The following VPS51 variants were observed in gnomAD, a reference collection of about 807,000 sequenced individuals.
VPS51 encodes the protein vacuolar protein sorting-associated protein 51 homolog.
Under a neutral mutation model 65.1 loss-of-function variants are expected in VPS51, and 55 were observed. The observed-to-expected ratio is 0.84, with a 90% CI of 0.68 to 1.06. The LOEUF (loss-of-function observed/expected upper bound fraction) is 1.06. Among genes scored for constraint, VPS51 ranks in the 50% least tolerant of loss-of-function variants. The pLI is 0.00. For missense variants in VPS51, 943 were observed against 1,101.6 expected (o/e 0.86, Z 2.04); for synonymous variants, 473 against 489.5 (o/e 0.97, Z 0.44).
At position 65,108,648 on chromosome 11, in the gene VPS51, G is replaced by A. The variant is rs1243261472; in HGVS notation, c.1177G>A (p.Asp393Asn). The part of the protein sequence containing the change: ...GALLAAAGLA[D>N]AATEIVERVA... ...CCTGCTGGCCGCTGCCGGGCTCGCA[G>A]ACGCTGCCACGGAGATCGTGGAACG... is the stretch of plus-strand genomic sequence containing the variant. The change falls in exon 5 of 10, where the codon GAC becomes AAC. Residue 393 changes from aspartate to asparagine, a missense_variant. Coordinates refer to ENST00000279281, the MANE Select transcript of VPS51 (RefSeq NM_013265.4). 1 of 1,545,996 alleles carries A rather than the reference G, an allele frequency of 6.5e-7. No individual in the cohort carries two copies. The highest frequency in any genetic ancestry group is 8.7e-7 in the Non-Finnish European group (1 of 1,153,728).
intron 2 of VPS51, among the ~76,000 whole-genome samples, chr11:65,102,049 T>G (rs1314636441): frequency 1.3e-5 from 2 of 148,446 alleles, no homozygotes; most frequent in African/African-American, 5.0e-5. Context: ...AGACAGAGTC[T>G]TGCTCTGTCA....
At chr11:65,109,129 A>T (rs1462664624) in intron 5 of VPS51, 151 bp from the exon 6 acceptor site, 1 of 1,059,006 alleles carries the variant, frequency 9.4e-7, no homozygotes, top group East Asian at 2.5e-5. Context: ...CTCTGCCCCC[A>T]CTCAGGGAAG....
At chr11:65,108,940 G>A in intron 5 of VPS51, 26 bp downstream of exon 5, 1 of 1,609,378 alleles carries the variant, frequency 6.2e-7, no homozygotes, top group Non-Finnish European at 8.5e-7. Context: ...GGTGTTCCTT[G>A]TTCAACCTGC....
In VPS51 at chr11:65,110,547, C is replaced by T; in HGVS notation, c.1944C>T (p.Phe648=). ...AQSSDSSKRT[F]SVYSSSRQQG... ...GCAGCGACTCCAGCAAGAGGACTTT[C>T]TCCGTGTACAGCAGCTCTCGGCAGC... is the stretch of plus-strand genomic sequence containing the variant. The change falls in exon 8 of 10, where the codon TTC becomes TTT. Residue 648 remains phenylalanine (F), a synonymous_variant. Transcript: ENST00000279281. 1.2e-6 allele frequency: 2 copies of T among 1,614,060 alleles called. No homozygotes were observed. The highest frequency in any genetic ancestry group is 1.1e-5 in the South Asian group (1 of 91,090).
At chr11:65,097,321 G>T (rs1413159475) in intron 2 of VPS51, among the ~76,000 whole-genome samples, 194 bp downstream of exon 2, 1 of 152,184 alleles carries the variant, frequency 6.6e-6, no homozygotes, top group Non-Finnish European at 1.5e-5. Flanking sequence ...CTCTCAGAGG[G>T]TTGTCTTAAG....
intron 6 of VPS51, 83 bp from the exon 7 acceptor site, chr11:65,109,622 C>A: frequency 6.6e-7 from 1 of 1,512,020 alleles, no homozygotes; most frequent in South Asian, 1.3e-5. Context: ...CTTGCCCAAT[C>A]TGTGCCCAGC....
intron 2 of VPS51, among the ~76,000 whole-genome samples, chr11:65,100,467 C>G (rs1277153298): frequency 6.6e-6 from 1 of 150,822 alleles, no homozygotes; most frequent in Admixed American, 6.6e-5. Context: ...TAGGAATATA[C>G]CAAAGAGAAT....
At chr11:65,102,069 G>C (rs1249756169) in intron 2 of VPS51, among the ~76,000 whole-genome samples, 1 of 139,370 alleles carries the variant, frequency 7.2e-6, no homozygotes, top group Non-Finnish European at 1.5e-5. Flanking sequence ...ATCCAGGCTA[G>C]AGTGCAGTGG....
chr11:65,097,489 C>T (rs1024186735), intron 2 of VPS51, among the ~76,000 whole-genome samples: 1 of 152,108 alleles, frequency 6.6e-6, no homozygotes. Flanking sequence ...TACCAAAGCA[C>T]TGGGATTACG....
At chr11:65,096,831 G>A (rs1410331273) in intron 1 of VPS51, 167 bp from the exon 2 acceptor site, 9 of 1,036,176 alleles carry the variant, frequency 8.7e-6, no homozygotes, top group Non-Finnish European at 1.2e-5. Context: ...AGTAACCCCT[G>A]AGCTAGGCCA....
At chr11:65,096,877 C>T (rs1264614951) in intron 1 of VPS51, 121 bp from the exon 2 acceptor site, 5 of 1,389,552 alleles carry the variant, frequency 3.6e-6, no homozygotes, top group South Asian at 1.4e-5. Context: ...TGACAGCCGG[C>T]GGGGGTTTGC....
chr11:65,096,860 G>T, intron 1 of VPS51, 138 bp from the exon 2 acceptor site: 1 of 1,350,338 alleles, frequency 7.4e-7, no homozygotes, highest in East Asian at 2.5e-5. Flanking sequence ...CCCCTGCCTG[G>T]GATTCCTGAC....
chr11:65,107,444 C>T lies in VPS51; in HGVS notation c.359-137C>T, dbSNP rs1947849670. On this transcript the variant is annotated intron_variant, in intron 2 of 9. Transcript: ENST00000279281. The surrounding 1 kb of genome is among the most constrained non-coding windows in gnomAD (Gnocchi z 4.0). ...ATGTGCGCTGTGACCCACGCCCTCG[C>T]AGTCCTTTCTCTGGAATCATCCATG... The T allele has an allele frequency of 9.1e-7, 1 of 1,095,132 alleles. No homozygotes were observed. The highest frequency in any genetic ancestry group is 1.6e-5 in the South Asian group (1 of 63,120). 67.8% of individuals were successfully genotyped at this position (1,095,132 alleles called of 1,614,324 possible).
intron 9 of VPS51, chr11:65,111,022 T>A: frequency 1.5e-6 from 1 of 662,400 alleles, no homozygotes; most frequent in Non-Finnish European, 2.7e-6. Context: ...CTGGGATTAC[T>A]GTTTGCCCTT....
chr11:65,108,345 G>A lies in VPS51; in HGVS notation c.874G>A (p.Gly292Arg). The A allele has an allele frequency of 6.2e-7, 1 of 1,611,688 alleles. No individual in the cohort carries two copies. Among genetic ancestry groups the A allele is most frequent in the South Asian group, 1.1e-5 (1 of 91,006 alleles). ...KELRNLEAELGPSPPAPDVLE... is the reference protein window; with the variant it reads ...KELRNLEAELRPSPPAPDVLE... Reference sequence around the variant, plus strand: ...GCTGAGAAACCTGGAGGCCGAGCTGGGGCCCTCACCTCCGGCTCCCGACGT... The same window carrying A: ...GCTGAGAAACCTGGAGGCCGAGCTGAGGCCCTCACCTCCGGCTCCCGACGT... The change falls in exon 5 of 10, where the codon GGG becomes AGG. Residue 292 changes from glycine to arginine, a missense_variant. Gly to Arg is a moderately radical substitution (Grantham distance 125). Transcript: ENST00000279281.
At chr11:65,103,476 A>T (rs539920618) in intron 2 of VPS51, among the ~76,000 whole-genome samples, 28 of 152,290 alleles carry the variant, frequency 1.8e-4, no homozygotes, top group African/African-American at 4.1e-4. Context: ...GTAATTTTTT[A>T]AAAAATCCCT....
At chr11:65,096,772 C>G (rs1446436748) in intron 1 of VPS51, 2 of 719,446 alleles carry the variant, frequency 2.8e-6, no homozygotes, top group Non-Finnish European at 4.5e-6. Context: ...GGGCTTAGGC[C>G]GAGCCCCAGG....
rs751787731 is a variant in VPS51, at chr11:65,108,299, C to T, written c.828C>T (p.Ala276=). 7 of 1,605,324 alleles carry T rather than the reference C, an allele frequency of 4.4e-6. No individual in the cohort carries two copies. The South Asian group carries it at 7.8e-5, about 18-fold the overall frequency. Residue 276 remains alanine, a synonymous_variant, in exon 5 of 10, where the codon GCC becomes GCT. Coordinates refer to ENST00000279281, the MANE Select transcript of VPS51 (RefSeq NM_013265.4). ...EELCEEFLAH[A]RGRLEKELRN... is the part of the protein sequence containing the mutation. ...TGTGCGAGGAGTTCCTGGCGCACGC[C>T]CGCGGCCGGCTGGAGAAGGAGCTGA... is the stretch of plus-strand genomic sequence containing the variant.
At position 65,111,616 on chromosome 11, in the gene VPS51, C is replaced by T. The variant is rs766222898; in HGVS notation, c.*29C>T. ...CAGCCGCTGCCATGCACCGGTCTGT[C>T]CCTGCACCCCATGGCACCCAGGATC... On this transcript the variant is annotated 3_prime_UTR_variant, in exon 10 of 10. Transcript: ENST00000279281. 6.3e-7 allele frequency: 1 copy of T among 1,580,668 alleles called. No individual in the cohort carries two copies. Among genetic ancestry groups the T allele is most frequent in the South Asian group, 1.1e-5 (1 of 89,118 alleles).
Sources: allele counts gnomAD v4.1 joint callset (sites outside exome capture counted in the v4.1 genomes callset), GRCh38; gene constraint gnomAD v4.1.1; non-coding constraint Gnocchi (gnomAD v3.1); transcripts MANE v1.5; gene names NCBI Gene and HGNC (gene_info 2026-07-23, HGNC 2026-07-21).